The following RRP1 variants were observed in gnomAD, a reference collection of about 807,000 sequenced individuals.
The protein encoded by RRP1 is ribosomal RNA processing protein 1 homolog A.
Under a neutral mutation model 54.6 loss-of-function variants are expected in RRP1, and 37 were observed. The observed-to-expected ratio is 0.68, with a 90% CI of 0.52 to 0.89. The LOEUF is 0.89. Ranked by LOEUF, RRP1 falls within the 40% of genes least tolerant of loss-of-function variation. The probability of loss-of-function intolerance (pLI) is 0.00; values close to 1 mark genes in which losing one functional copy is unlikely to be tolerated. For synonymous variants in RRP1, 262 were observed against 244.3 expected (o/e 1.07, Z -0.67); for missense variants, 639 against 612.5 (o/e 1.04, Z -0.46).
At chr21:43,802,176 C>G (rs1601875178) in intron 11 of RRP1, 98 bp from the exon 12 acceptor site, 3 of 809,322 alleles carry the variant, frequency 3.7e-6, no homozygotes, top group Non-Finnish European at 6.2e-6. Flanking sequence ...CACACATTGT[C>G]AGGAGGTGGT....
intron 8 of RRP1, among the ~76,000 whole-genome samples, 183 bp downstream of exon 8, chr21:43,798,283 C>T (rs1388216551): frequency 1.3e-5 from 2 of 152,148 alleles, no homozygotes; most frequent in Non-Finnish European, 2.9e-5. Context: ...CGTCGTTTCC[C>T]CTCATCCCCC....
intron 5 of RRP1, 118 bp downstream of exon 5, chr21:43,795,368 A>C: frequency 1.1e-6 from 1 of 934,146 alleles, no homozygotes; most frequent in Non-Finnish European, 1.7e-6. Context: ...CATGCCCCCA[A>C]TCGTGCTTAG....
At chr21:43,793,246 C>A in intron 3 of RRP1, 73 bp from the exon 4 acceptor site, 1 of 1,353,604 alleles carries the variant, frequency 7.4e-7, no homozygotes, top group Non-Finnish European at 1.1e-6. Flanking sequence ...CGGGTTCCTC[C>A]ATGTTCTCAC....
Position 43,797,653 on chromosome 21 carries a change from A to T in RRP1, c.575A>T (p.Lys192Met). 1 of 1,614,044 alleles carries T rather than the reference A, an allele frequency of 6.2e-7. No individual in the cohort carries two copies. The highest frequency in any genetic ancestry group is 1.3e-5 in the African/African-American group (1 of 74,918). The change falls in exon 7 of 13, where the codon AAG becomes ATG. Residue 192 changes from lysine (K) to methionine (M), a missense_variant. By Grantham distance (95) the Lys-to-Met change is moderately conservative. Transcript: ENST00000497547. Reference protein sequence around the residue: ...AEELTADQNLKFIDPFCRIAA... With the variant: ...AEELTADQNLMFIDPFCRIAA... ...TAGCTTACGGCAGACCAGAACCTGA[A>T]GTTCATCGACCCCTTCTGCAGAATT...
chr21:43,802,296 C>T lies in RRP1; in HGVS notation c.1032C>T (p.Ile344=). Residue 344 remains isoleucine, a synonymous_variant, in exon 12 of 13, where the codon ATC becomes ATT. Coordinates refer to ENST00000497547, the MANE Select transcript of RRP1 (RefSeq NM_003683.6). ...LAGGIFPEDE[I]PEKACRRLLE... is the part of the protein sequence containing the mutation. ...CAGGCATTTTCCCTGAAGATGAGAT[C>T]CCAGAGAAGGCCTGCAGGCGCCTGC... 6.2e-7 allele frequency: 1 copy of T among 1,613,680 alleles called. No individual in the cohort carries two copies. Among genetic ancestry groups the T allele is most frequent in the South Asian group, 1.1e-5 (1 of 91,056 alleles).
rs765573835 is a variant in RRP1, at chr21:43,800,555, G to A, written c.930G>A (p.Met310Ile). Residue 310 changes from methionine to isoleucine, a missense_variant, in exon 10 of 13, where the codon ATG becomes ATA. By Grantham distance (10) the Met-to-Ile change is conservative. Transcript: ENST00000497547. ...CAGTTGCTAACAGACTGTTTGAAATGGCCAGCCGCCAGAGCACCCCTTCTC... is the reference window on the plus strand; with the variant it reads ...CAGTTGCTAACAGACTGTTTGAAATAGCCAGCCGCCAGAGCACCCCTTCTC... ...YEAVANRLFE[M>I]ASRQSTPSQN... 6.2e-7 allele frequency: 1 copy of A among 1,614,262 alleles called. No individual in the cohort carries two copies. Among genetic ancestry groups the A allele is most frequent in the East Asian group, 2.2e-5 (1 of 44,890 alleles).
At chr21:43,802,252 TG>T in intron 11 of RRP1, 21 bp from the exon 12 acceptor site, 1 of 1,589,016 alleles carries the variant, frequency 6.3e-7, no homozygotes. Flanking sequence ...GAGAGCCCCC[TG>T]ACTTCTGCCC....
At position 43,802,473 on chromosome 21, in the gene RRP1, C is replaced by T. The variant is rs1465914328; in HGVS notation, c.1123+86C>T. On this transcript the variant is annotated intron_variant, in intron 12 of 12. Coordinates refer to ENST00000497547, the MANE Select transcript of RRP1 (RefSeq NM_003683.6). ...GGATGGGGGTCACCTGCAGTGTCTC[C>T]CCCTGAAGCATGAGTGCCGAGTCCC... 6.6e-6 allele frequency: 7 copies of T among 1,056,840 alleles called. No homozygotes were observed. In the Admixed American group the frequency reaches 1.3e-4, roughly 20 times the overall value. The allele number at this position is 1,056,840 out of a possible 1,614,324, so 65.5% of individuals were successfully genotyped here.
At chr21:43,803,030 A>T (rs908270108) in intron 12 of RRP1, among the ~76,000 whole-genome samples, 1 of 151,888 alleles carries the variant, frequency 6.6e-6, no homozygotes, top group African/African-American at 2.4e-5. Flanking sequence ...CTTCCCTGTT[A>T]CTCTCTCCAT....
chr21:43,797,509 C>T lies in RRP1; in HGVS notation c.510C>T (p.Ile170=), dbSNP rs148457924. The T allele has an allele frequency of 1.5e-4, 238 of 1,614,020 alleles. 1 individual carries two copies. Among genetic ancestry groups the T allele is most frequent in the East Asian group, 1.3e-3 (57 of 44,882 alleles). The change falls in exon 6 of 13, where the codon ATC becomes ATT. Residue 170 remains isoleucine, a synonymous_variant. Coordinates refer to ENST00000497547, the MANE Select transcript of RRP1 (RefSeq NM_003683.6). ...CCAACGGTGTGAAGAGCCACTTCAT[C>T]GAGATCTTCCTGGAGGAGCTGACCA... ...QAPNGVKSHF[I]EIFLEELTKV...
chr21:43,799,545 G>C, intron 8 of RRP1, 25 bp from the exon 9 acceptor site: 1 of 1,604,324 alleles, frequency 6.2e-7, no homozygotes. Flanking sequence ...CACAGGTAGG[G>C]TTCACGGGGT....
rs1056404467 is a variant in RRP1 at position 43,789,770 on chromosome 21, G to C, written c.133+8G>C. ...GGACTCAGCGGGCCGCAGGTTGGCG[G>C]GGGTGTGGGCGGCTGGCGTCTCGGG... On this transcript the variant is annotated splice_region_variant and intron_variant, in intron 1 of 12. Transcript: ENST00000497547. The C allele has an allele frequency of 2.6e-6, 4 of 1,515,404 alleles. No individual in the cohort carries two copies. In the African/African-American group the frequency reaches 4.3e-5, roughly 16 times the overall value. The allele number at this position is 1,515,404 out of a possible 1,614,324, so 93.9% of individuals were successfully genotyped here.
At chr21:43,799,025 C>T (rs2085054465) in intron 8 of RRP1, among the ~76,000 whole-genome samples, 1 of 152,002 alleles carries the variant, frequency 6.6e-6, no homozygotes, top group East Asian at 1.9e-4. Flanking sequence ...TGCTGCTGGC[C>T]CCCTGCTGCC....
intron 5 of RRP1, among the ~76,000 whole-genome samples, chr21:43,796,931 A>G (rs2085024618): frequency 6.6e-6 from 1 of 152,166 alleles, no homozygotes; most frequent in African/African-American, 2.4e-5. Context: ...GTCGTGCGGC[A>G]GGGCCCAGGA....
chr21:43,798,949 T>C (rs1054004890), intron 8 of RRP1, among the ~76,000 whole-genome samples: 9 of 150,412 alleles, frequency 6.0e-5, no homozygotes, highest in African/African-American at 2.2e-4. Flanking sequence ...CCTGTATGCT[T>C]CTCCCTGGTC....
chr21:43,798,734 A>G (rs551503143), intron 8 of RRP1, among the ~76,000 whole-genome samples: 1 of 151,904 alleles, frequency 6.6e-6, no homozygotes, highest in Non-Finnish European at 1.5e-5. Context: ...AGCCTGGCCC[A>G]TTTTTTGTTT....
chr21:43,801,449 A>C (rs2085090014), intron 11 of RRP1, among the ~76,000 whole-genome samples: 1 of 152,154 alleles, frequency 6.6e-6, no homozygotes, highest in African/African-American at 2.4e-5. Context: ...CGGGCGCGTC[A>C]TCAGCTGTAG....
intron 12 of RRP1, 44 bp downstream of exon 12, chr21:43,802,431 CTGCT>C: frequency 6.7e-7 from 1 of 1,501,258 alleles, no homozygotes; most frequent in Non-Finnish European, 9.3e-7. Context: ...GCGTCCTCAC[CTGCT>C]TGCTTCTCCC....
chr21:43,798,533 G>C (rs968981861), intron 8 of RRP1, among the ~76,000 whole-genome samples: 1 of 152,128 alleles, frequency 6.6e-6, no homozygotes, highest in Non-Finnish European at 1.5e-5. Context: ...TGAATCACTT[G>C]CTCCTCGTGT....
Sources: allele counts gnomAD v4.1 joint callset (sites outside exome capture counted in the v4.1 genomes callset), GRCh38; gene constraint gnomAD v4.1.1; transcripts MANE v1.5; gene names NCBI Gene and HGNC (gene_info 2026-07-23, HGNC 2026-07-21).